Variants in WWP2 observed in about 807,000 individuals in gnomAD.
The protein encoded by WWP2 is WW domain containing E3 ubiquitin protein ligase 2, also known as NEDD4-like E3 ubiquitin-protein ligase WWP2.
A neutral mutation model predicts 121.0 loss-of-function variants in WWP2; 57 were observed. That is an observed-to-expected ratio of 0.47 (90% CI 0.38 to 0.59). WWP2 has a LOEUF of 0.59. Ranked by LOEUF, WWP2 falls within the 20% of genes least tolerant of loss-of-function variation. The pLI is 0.00. For synonymous variants in WWP2, 449 were observed against 441.3 expected (o/e 1.02, Z -0.22); for missense variants, 962 against 1,158.9 (o/e 0.83, Z 2.47).
At chr16:69,851,449 C>T (rs933682628) in intron 6 of WWP2, among the ~76,000 whole-genome samples, 9 of 152,110 alleles carry the variant, frequency 5.9e-5, no homozygotes, top group African/African-American at 2.2e-4. Context: ...ATAGCCTTGT[C>T]AGATTGGCTT....
At position 69,822,676 on chromosome 16, in the gene WWP2, G is replaced by A. The variant is rs189429050; in HGVS notation, c.341-17450G>A. On this transcript the variant is annotated intron_variant, in intron 4 of 23. Transcript: ENST00000359154. ...CAAGAGAAAATCATTTTAGGTGGAG[G>A]GAACAGCATGTGGGAAGCTTTGAGG... Among the ~76,000 whole-genome samples the A allele has an allele frequency of 2.6e-5, 4 of 152,262 alleles. No individual in the cohort carries two copies. The East Asian group carries it at 7.7e-4, about 29-fold the overall frequency.
chr16:69,827,043 T>A (rs777919781), intron 4 of WWP2, among the ~76,000 whole-genome samples: 1 of 152,078 alleles, frequency 6.6e-6, no homozygotes, highest in African/African-American at 2.4e-5. Context: ...TCCTTCATCT[T>A]TAGCTCCCAT....
At position 69,937,708 on chromosome 16, in the gene WWP2, C is replaced by G. The variant is rs1225873653; in HGVS notation, c.2343+56C>G. 1 of 1,581,476 alleles carries G rather than the reference C, an allele frequency of 6.3e-7. No homozygotes were observed. The highest frequency in any genetic ancestry group is 1.7e-5 in the Admixed American group (1 of 58,730). ...CATTTGGGCCATCAACCAAAGGAAA[C>G]GGGTCCTGAGGAGGCCTCACGCGCA... On this transcript the variant is annotated intron_variant, in intron 21 of 23. Transcript: ENST00000359154. The surrounding 1 kb of genome is among the most constrained non-coding windows in gnomAD (Gnocchi z 6.6).
chr16:69,847,072 T>C (rs2057094935), intron 6 of WWP2, among the ~76,000 whole-genome samples: 1 of 149,032 alleles, frequency 6.7e-6, no homozygotes, highest in Non-Finnish European at 1.5e-5. Flanking sequence ...GCCAGGCTCT[T>C]TTTATTATTT....
intron 1 of WWP2, chr16:69,776,254 T>G (rs2055525182): frequency 6.6e-6 from 1 of 152,204 alleles, no homozygotes; most frequent in African/African-American, 2.4e-5. Flanking sequence ...AGGATAAGGC[T>G]CTGGTAAAGT....
chr16:69,891,423 CT>C (rs1406908928), intron 8 of WWP2, among the ~76,000 whole-genome samples: 1 of 152,136 alleles, frequency 6.6e-6, no homozygotes, highest in African/African-American at 2.4e-5. Context: ...TGCAGAATGC[CT>C]TTATCTTTTA....
At chr16:69,917,668 TG>T (rs772896883) in intron 9 of WWP2, 40 bp from the exon 10 acceptor site, 9 of 1,587,530 alleles carry the variant, frequency 5.7e-6, no homozygotes, top group Non-Finnish European at 7.8e-6. Context: ...GGGATGGGAG[TG>T]GGGTGGTCAT....
chr16:69,778,189 TATA>T (rs1209697436), intron 1 of WWP2, among the ~76,000 whole-genome samples: 23 of 88,464 alleles, frequency 2.6e-4, no homozygotes, highest in Admixed American at 5.9e-4. Context: ...TATATATATA[TATA>T]TTTTTTTTTT....
At chr16:69,933,353 G>A (rs2058746800) in intron 16 of WWP2, among the ~76,000 whole-genome samples, 1 of 152,180 alleles carries the variant, frequency 6.6e-6, no homozygotes, top group Admixed American at 6.5e-5. Flanking sequence ...GCGTGGAAGT[G>A]TGGGAACGGG....
intron 4 of WWP2, among the ~76,000 whole-genome samples, chr16:69,812,621 T>C (rs1008160941): frequency 1.2e-4 from 18 of 151,994 alleles, no homozygotes; most frequent in African/African-American, 4.1e-4. Flanking sequence ...ACCACAGATA[T>C]GTGCCACCCT....
intron 10 of WWP2, among the ~76,000 whole-genome samples, chr16:69,920,838 A>G (rs2151976944): frequency 6.6e-6 from 1 of 152,210 alleles, no homozygotes; most frequent in Non-Finnish European, 1.5e-5. Flanking sequence ...TTTCCCTTAA[A>G]AGCCCCACTA....
At chr16:69,797,879 ACT>A (rs2056080482) in intron 2 of WWP2, among the ~76,000 whole-genome samples, 1 of 147,700 alleles carries the variant, frequency 6.8e-6, no homozygotes, top group South Asian at 2.2e-4. Context: ...CAAGAGCCAA[ACT>A]CTATCTCAGA....
At chr16:69,842,182 T>G (rs928767827) in intron 6 of WWP2, 62 bp downstream of exon 6, 2 of 1,497,234 alleles carry the variant, frequency 1.3e-6, no homozygotes, top group African/African-American at 2.8e-5. Context: ...TGAAAACATG[T>G]TGGGACATGG....
intron 6 of WWP2, among the ~76,000 whole-genome samples, chr16:69,853,118 T>G (rs2151892106): frequency 6.6e-6 from 1 of 152,346 alleles, no homozygotes; most frequent in South Asian, 2.1e-4. Flanking sequence ...GGTAAATTAT[T>G]CAGGAAAGTA....
At chr16:69,796,247 T>C (rs775231290) in intron 2 of WWP2, among the ~76,000 whole-genome samples, 2 of 152,286 alleles carry the variant, frequency 1.3e-5, no homozygotes, top group Admixed American at 6.5e-5. Flanking sequence ...AAAGTGTGTA[T>C]GTGTATGAGC....
intron 7 of WWP2, among the ~76,000 whole-genome samples, chr16:69,872,818 C>T (rs1422084648): frequency 6.6e-6 from 1 of 152,198 alleles, no homozygotes; most frequent in Non-Finnish European, 1.5e-5. Flanking sequence ...GCTCTGCTTC[C>T]CCGTAAGTGA....
At chr16:69,868,156 G>A in intron 6 of WWP2, among the ~76,000 whole-genome samples, 1 of 152,164 alleles carries the variant, frequency 6.6e-6, no homozygotes, top group East Asian at 1.9e-4. Flanking sequence ...AGAATCTGGG[G>A]AGAGGGGATG....
At chr16:69,877,296 C>T (rs1398577449) in intron 7 of WWP2, among the ~76,000 whole-genome samples, 1 of 152,144 alleles carries the variant, frequency 6.6e-6, no homozygotes, top group Non-Finnish European at 1.5e-5. Flanking sequence ...TTCCTTAAAC[C>T]TCATGAACCA....
chr16:69,787,314 G>T (rs1224302932), intron 2 of WWP2, among the ~76,000 whole-genome samples: 3 of 152,188 alleles, frequency 2.0e-5, no homozygotes, highest in Non-Finnish European at 4.4e-5. Flanking sequence ...TTCAGGCCAG[G>T]TGCAGTGGCT....
Sources: allele counts gnomAD v4.1 joint callset (sites outside exome capture counted in the v4.1 genomes callset), GRCh38; gene constraint gnomAD v4.1.1; non-coding constraint Gnocchi (gnomAD v3.1); transcripts MANE v1.5; gene names NCBI Gene and HGNC (gene_info 2026-07-23, HGNC 2026-07-21).